Variants in NRXN3 observed in about 807,000 individuals in gnomAD.
The protein encoded by NRXN3 is neurexin 3, also known as neurexin III.
Under a neutral mutation model 137.6 loss-of-function variants are expected in NRXN3, and 32 were observed. That is an observed-to-expected ratio of 0.23 (90% CI 0.18 to 0.31). NRXN3 has a LOEUF of 0.31. Ranked by LOEUF, NRXN3 falls within the 10% of genes least tolerant of loss-of-function variation. The pLI, the probability that NRXN3 is intolerant of heterozygous loss-of-function variation, is 1.00. For synonymous variants in NRXN3, 798 were observed against 784.5 expected (o/e 1.02, Z -0.29); for missense variants, 1,574 against 2,062.5 (o/e 0.76, Z 4.59).
intron 16 of NRXN3, among the ~76,000 whole-genome samples, chr14:79,504,862 G>C (rs1161944084): frequency 6.6e-6 from 1 of 151,740 alleles, no homozygotes; most frequent in African/African-American, 2.4e-5. Flanking sequence ...TTATCATTTT[G>C]ATTTGCTTGT....
chr14:79,603,893 C>CTTATTA (rs1413213908), intron 16 of NRXN3, among the ~76,000 whole-genome samples: 2 of 149,446 alleles, frequency 1.3e-5, no homozygotes, highest in East Asian at 2.3e-4. Context: ...TTAGAACAAT[C>CTTATTA]TTCTTATTAT....
At chr14:78,652,954 G>A (rs2097758370) in intron 6 of NRXN3, among the ~76,000 whole-genome samples, 1 of 152,208 alleles carries the variant, frequency 6.6e-6, no homozygotes, top group African/African-American at 2.4e-5. Context: ...CTCTAATTGA[G>A]TAGAGGAAAC....
chr14:79,096,970 C>T (rs981280053), intron 15 of NRXN3, among the ~76,000 whole-genome samples: 1 of 151,456 alleles, frequency 6.6e-6, no homozygotes, highest in Non-Finnish European at 1.5e-5. Context: ...AGCCTTATGG[C>T]AGCCTTTATG....
intron 4 of NRXN3, among the ~76,000 whole-genome samples, chr14:78,339,015 A>AAT (rs2081845063): frequency 6.6e-6 from 1 of 152,102 alleles, no homozygotes; most frequent in Non-Finnish European, 1.5e-5. Flanking sequence ...ACAAAAGGGG[A>AAT]ATATTATGGC....
At chr14:79,406,189 A>C (rs1278095754) in intron 15 of NRXN3, among the ~76,000 whole-genome samples, 1 of 151,858 alleles carries the variant, frequency 6.6e-6, no homozygotes, top group Admixed American at 6.6e-5. Context: ...CAAGCCCTAC[A>C]TTCCCACAGC....
intron 15 of NRXN3, among the ~76,000 whole-genome samples, chr14:79,466,786 T>G (rs1414635386): frequency 6.6e-6 from 1 of 152,148 alleles, no homozygotes; most frequent in East Asian, 1.9e-4. Context: ...TTTGTAAGGC[T>G]CCTGGCTCCA....
chr14:78,922,029 G>T (rs2152825748), intron 10 of NRXN3, among the ~76,000 whole-genome samples: 1 of 152,268 alleles, frequency 6.6e-6, no homozygotes, highest in South Asian at 2.1e-4. Context: ...CTCTAAGTAG[G>T]AAGTTATTTA....
At chr14:78,282,871 A>G (rs968572284) in intron 3 of NRXN3, among the ~76,000 whole-genome samples, 20 of 152,218 alleles carry the variant, frequency 1.3e-4, no homozygotes, top group Non-Finnish European at 2.2e-4. Flanking sequence ...GAGGGGATGC[A>G]CTTGAAGCTT....
intron 10 of NRXN3, among the ~76,000 whole-genome samples, chr14:78,876,896 G>A (rs909266440): frequency 1.3e-5 from 2 of 152,204 alleles, no homozygotes; most frequent in African/African-American, 2.4e-5. Context: ...CACTCCAGGC[G>A]AGCTATATTG....
At chr14:79,792,924 T>G (rs2099149765) in intron 19 of NRXN3, among the ~76,000 whole-genome samples, 1 of 152,194 alleles carries the variant, frequency 6.6e-6, no homozygotes, top group South Asian at 2.1e-4. Context: ...TCATTCTTTT[T>G]CAAAGTGGTT....
At chr14:78,492,410 T>C (rs757573495) in intron 4 of NRXN3, among the ~76,000 whole-genome samples, 1 of 152,244 alleles carries the variant, frequency 6.6e-6, no homozygotes, top group Non-Finnish European at 1.5e-5. Context: ...AAGGAGTGTG[T>C]GAAAATTAAA....
intron 8 of NRXN3, among the ~76,000 whole-genome samples, chr14:78,741,775 A>G (rs1490581978): frequency 1.3e-5 from 2 of 152,302 alleles, no homozygotes; most frequent in Admixed American, 6.5e-5. Flanking sequence ...GGACTTATTC[A>G]TCTTGTATAA....
chr14:78,888,743 T>G (rs2099150601), intron 10 of NRXN3, among the ~76,000 whole-genome samples: 2 of 152,082 alleles, frequency 1.3e-5, no homozygotes, highest in East Asian at 3.9e-4. Context: ...TGGCTTGTAA[T>G]GTACCCATAC....
chr14:78,735,972 C>T (rs1194805359), intron 8 of NRXN3, among the ~76,000 whole-genome samples: 3 of 152,132 alleles, frequency 2.0e-5, no homozygotes, highest in African/African-American at 7.2e-5. Flanking sequence ...ATGATTCCTC[C>T]TTTATATGGC....
rs554144120 is a variant in NRXN3, at chr14:78,174,667, A to G, written c.-704+3993A>G. Among the ~76,000 whole-genome samples, 3 of 152,220 alleles carry G rather than the reference A, an allele frequency of 2.0e-5. No individual in the cohort carries two copies. In the South Asian group the frequency reaches 6.2e-4, roughly 32 times the overall value. The stretch of plus-strand genomic sequence containing the variant: ...TGGATATGTGCGTATCCAGCCTCAT[A>G]CGGTGGCTCTGGACAGGTGTGGTAG... On this transcript the variant is annotated intron_variant, in intron 1 of 20. Coordinates refer to ENST00000335750, the MANE Select transcript of NRXN3 (RefSeq NM_001330195.2).
intron 19 of NRXN3, among the ~76,000 whole-genome samples, chr14:79,709,644 G>GCTCTGC (rs2098795375): frequency 6.6e-6 from 1 of 152,088 alleles, no homozygotes; most frequent in East Asian, 1.9e-4. Context: ...AGATTTTTCT[G>GCTCTGC]CTCTGCCTCT....
chr14:78,173,448 A>G (rs1441474800), intron 1 of NRXN3, among the ~76,000 whole-genome samples: 1 of 151,764 alleles, frequency 6.6e-6, no homozygotes, highest in Non-Finnish European at 1.5e-5. Flanking sequence ...ACGGGTTGTC[A>G]GTCTTGGATG....
At chr14:78,997,624 C>T (rs77921821) in intron 15 of NRXN3, among the ~76,000 whole-genome samples, 3,377 of 152,108 alleles carry the variant, frequency 0.022, 108 homozygotes, top group African/African-American at 0.063. Context: ...TATTTTTCTC[C>T]TCTACTTTCT....
At chr14:79,414,818 A>T (rs913452686) in intron 15 of NRXN3, among the ~76,000 whole-genome samples, 2 of 152,076 alleles carry the variant, frequency 1.3e-5, no homozygotes, top group East Asian at 1.9e-4. Context: ...GAATGTATTC[A>T]TCTTATAACC....
Sources: allele counts gnomAD v4.1 joint callset (sites outside exome capture counted in the v4.1 genomes callset), GRCh38; gene constraint gnomAD v4.1.1; transcripts MANE v1.5; gene names NCBI Gene and HGNC (gene_info 2026-07-23, HGNC 2026-07-21).